The following PICALM variants were observed in gnomAD, a reference collection of about 807,000 sequenced individuals.
PICALM encodes the protein phosphatidylinositol-binding clathrin assembly protein.
Under a neutral mutation model 80.5 loss-of-function variants are expected in PICALM, and 40 were observed. That is an observed-to-expected ratio of 0.50 (90% CI 0.39 to 0.65). The LOEUF is 0.65. PICALM is among the 30% of genes least tolerant of loss of function. PICALM has a pLI of 0.00. For synonymous variants in PICALM, 288 were observed against 260.3 expected (o/e 1.11, Z -1.02); for missense variants, 676 against 778.9 (o/e 0.87, Z 1.57).
rs693458 is a variant in PICALM, at chr11:86,022,022, A to C, written c.452+345T>G. 0.27 allele frequency among the ~76,000 whole-genome samples: 41,260 copies of C among 152,046 alleles called. 5,776 individuals carry two copies. Among genetic ancestry groups the C allele is most frequent in the African/African-American group, 0.32 (13,167 of 41,454 alleles). ...TTGCCAGGATCTAGGGGAAGAGGGA[A>C]TAGGAAATGAATGCTAATAGGTATA... On this transcript the variant is annotated intron_variant, in intron 4 of 19. Transcript: ENST00000393346.
intron 13 of PICALM, among the ~76,000 whole-genome samples, chr11:85,985,004 G>A (rs937177150): frequency 6.6e-6 from 1 of 152,026 alleles, no homozygotes; most frequent in Non-Finnish European, 1.5e-5. Flanking sequence ...AGGCTCCTAA[G>A]GTCTCTTCCT....
intron 11 of PICALM, among the ~76,000 whole-genome samples, chr11:85,998,112 A>G (rs1343615687): frequency 6.8e-6 from 1 of 147,252 alleles, no homozygotes; most frequent in African/African-American, 2.5e-5. Flanking sequence ...CAAGACTTCT[A>G]TGTAATTTTT....
chr11:86,002,810 C>T (rs1389744214), intron 9 of PICALM, among the ~76,000 whole-genome samples: 2 of 151,992 alleles, frequency 1.3e-5, no homozygotes, highest in Non-Finnish European at 2.9e-5. Flanking sequence ...TTCAGGGGTT[C>T]GAGACCAGCC....
At chr11:86,063,194 A>G (rs1186054924) in intron 1 of PICALM, among the ~76,000 whole-genome samples, 1 of 152,238 alleles carries the variant, frequency 6.6e-6, no homozygotes, top group Non-Finnish European at 1.5e-5. Flanking sequence ...TTATTTTTAA[A>G]CAATCAGTGT....
chr11:86,048,458 T>C (rs1177191196), intron 1 of PICALM, among the ~76,000 whole-genome samples: 2 of 152,182 alleles, frequency 1.3e-5, no homozygotes, highest in East Asian at 1.9e-4. Context: ...ATTAAATTGA[T>C]AGCCAACACA....
chr11:86,066,725 T>A (rs1193944195), intron 1 of PICALM, among the ~76,000 whole-genome samples: 2 of 148,798 alleles, frequency 1.3e-5, no homozygotes, highest in African/African-American at 2.5e-5. Flanking sequence ...CAGTCACAAC[T>A]AGTTTCTTCA....
Position 86,027,689 on chromosome 11 carries a change from A to T in PICALM, c.274-1322T>A, listed in dbSNP as rs77387383. The stretch of plus-strand genomic sequence containing the variant: ...ACAGGCATGTCCAGCTCACATTTTT[A>T]AAAAAATTTTTTGTAGAGACAACGT... On this transcript the variant is annotated intron_variant, in intron 2 of 19. Coordinates refer to ENST00000393346, the MANE Select transcript of PICALM (RefSeq NM_007166.4). Among the ~76,000 whole-genome samples, 68 of 151,904 alleles carry T rather than the reference A, an allele frequency of 4.5e-4. No homozygotes were observed. The East Asian group carries it at 0.011, about 24-fold the overall frequency.
chr11:85,989,558 A>G (rs1251956914), intron 13 of PICALM, among the ~76,000 whole-genome samples: 5 of 152,158 alleles, frequency 3.3e-5, no homozygotes, highest in Non-Finnish European at 1.5e-5. Context: ...GAATTCAAAA[A>G]CATTTATTTC....
intron 19 of PICALM, among the ~76,000 whole-genome samples, chr11:85,965,826 T>G (rs1431400638): frequency 2.0e-4 from 28 of 143,468 alleles, no homozygotes; most frequent in African/African-American, 1.3e-4. Flanking sequence ...TTTTTTTTTT[T>G]TTTTTTTTTT....
chr11:86,060,749 A>G (rs1213364180), intron 1 of PICALM, among the ~76,000 whole-genome samples: 1 of 151,700 alleles, frequency 6.6e-6, no homozygotes, highest in Non-Finnish European at 1.5e-5. Context: ...AAAAAAAAAA[A>G]TGAATCAGGA....
chr11:85,968,079 A>AAT (rs1376621525), intron 19 of PICALM, among the ~76,000 whole-genome samples: 1 of 152,228 alleles, frequency 6.6e-6, no homozygotes, highest in Non-Finnish European at 1.5e-5. Flanking sequence ...CATGCCTATA[A>AAT]TCCCAGCACT....
Position 85,957,775 on chromosome 11 carries a change from T to C in PICALM, c.*1271A>G. On this transcript the variant is annotated 3_prime_UTR_variant, in exon 20 of 20. Coordinates refer to ENST00000393346, the MANE Select transcript of PICALM (RefSeq NM_007166.4). Reference sequence around the variant, plus strand: ...ACAAAAATAGAATCTGCAGAGACAATGCAACAAGAATGCTTAAACTCATGT... The same window carrying C: ...ACAAAAATAGAATCTGCAGAGACAACGCAACAAGAATGCTTAAACTCATGT... 4.6e-6 allele frequency: 1 copy of C among 217,302 alleles called. No individual in the cohort carries two copies. Among genetic ancestry groups the C allele is most frequent in the African/African-American group, 2.2e-5 (1 of 44,520 alleles). 13.5% of individuals were successfully genotyped at this position (217,302 alleles called of 1,614,324 possible).
intron 13 of PICALM, among the ~76,000 whole-genome samples, chr11:85,986,521 G>A (rs1248357965): frequency 2.0e-5 from 3 of 151,046 alleles, no homozygotes; most frequent in Non-Finnish European, 4.4e-5. Context: ...CTCCCGAGTA[G>A]CTGGGACTAC....
At chr11:86,050,204 CAAAAA>C (rs766728047) in intron 1 of PICALM, among the ~76,000 whole-genome samples, 2 of 81,800 alleles carry the variant, frequency 2.4e-5, no homozygotes, top group African/African-American at 1.1e-4. Flanking sequence ...GACTCTGTCT[CAAAAA>C]AAAAAAAAAA....
At chr11:86,040,708 G>C (rs1168297653) in intron 1 of PICALM, among the ~76,000 whole-genome samples, 3 of 152,106 alleles carry the variant, frequency 2.0e-5, no homozygotes, top group Middle Eastern at 3.2e-3. Context: ...AAACAGTATA[G>C]GTGTATATAT....
At chr11:86,032,507 T>A (rs2136804291) in intron 1 of PICALM, among the ~76,000 whole-genome samples, 1 of 152,140 alleles carries the variant, frequency 6.6e-6, no homozygotes, top group African/African-American at 2.4e-5. Context: ...GCATGGGTAA[T>A]CCCAGCTACT....
chr11:86,046,140 T>C (rs1343374635), intron 1 of PICALM, among the ~76,000 whole-genome samples: 1 of 152,236 alleles, frequency 6.6e-6, no homozygotes, highest in Non-Finnish European at 1.5e-5. Flanking sequence ...CTATTCATTT[T>C]CAATATCTGC....
chr11:85,993,091 T>G (rs1274547030), intron 12 of PICALM, among the ~76,000 whole-genome samples: 2 of 152,132 alleles, frequency 1.3e-5, no homozygotes, highest in East Asian at 1.9e-4. Context: ...TTAAAGTTTT[T>G]TTTTTTTTTT....
At chr11:86,064,737 C>T (rs888938250) in intron 1 of PICALM, among the ~76,000 whole-genome samples, 8 of 149,150 alleles carry the variant, frequency 5.4e-5, no homozygotes, top group African/African-American at 7.4e-5. Context: ...AAATGTCCAA[C>T]GATAGTAAAT....
Sources: gnomAD v4.1 joint callset for allele counts (sites outside exome capture counted in the v4.1 genomes callset) on GRCh38, gnomAD v4.1.1 for gene constraint, MANE v1.5 for transcripts, NCBI Gene and HGNC (gene_info 2026-07-23, HGNC 2026-07-21) for gene names.